Variants in MAD1L1 observed in about 807,000 individuals in gnomAD.
MAD1L1 encodes the protein mitotic spindle assembly checkpoint protein MAD1.
A neutral mutation model predicts 96.9 loss-of-function variants in MAD1L1; 95 were observed. That is an observed-to-expected ratio of 0.98 (90% CI 0.83 to 1.16). MAD1L1 has a LOEUF of 1.16. Among genes scored for constraint, MAD1L1 ranks in the 50% most tolerant of loss-of-function variants. The pLI, the probability that MAD1L1 is intolerant of heterozygous loss-of-function variation, is 0.00. For synonymous variants in MAD1L1, 473 were observed against 396.6 expected, an observed-to-expected ratio of 1.19 and a Z score of -2.29; for missense variants, 1,007 against 954.4, an observed-to-expected ratio of 1.06 and a Z score of -0.73.
chr7:2,044,516 C>T (rs1158359902), intron 12 of MAD1L1, among the ~76,000 whole-genome samples: 2 of 152,170 alleles, frequency 1.3e-5, no homozygotes, highest in African/African-American at 4.8e-5. Flanking sequence ...CAGAGGAGCC[C>T]GCAGCATGTG....
In MAD1L1 at chr7:2,127,173, G is replaced by A. The variant is rs549303958; in HGVS notation, c.1073+21979C>T. On this transcript the variant is annotated intron_variant, in intron 11 of 18. Coordinates refer to ENST00000265854, the MANE Select transcript of MAD1L1 (RefSeq NM_001013836.2). ...CTTGTTCCAGAAGAGAGGTGCTCAG[G>A]GCTGGCATGAGCCCACGGGCCTTTG... is the stretch of plus-strand genomic sequence containing the variant. Among the ~76,000 whole-genome samples the A allele has an allele frequency of 3.3e-4, 51 of 152,358 alleles. 2 individuals carry two copies. The South Asian group carries it at 0.011, about 32-fold the overall frequency.
chr7:2,125,881 G>A (rs532249337), intron 11 of MAD1L1, among the ~76,000 whole-genome samples: 5 of 130,806 alleles, frequency 3.8e-5, no homozygotes, highest in South Asian at 5.1e-4. Flanking sequence ...CAGCTTACGC[G>A]TCTGTTTTAA....
At chr7:2,083,655 C>T (rs545208949) in intron 11 of MAD1L1, among the ~76,000 whole-genome samples, 38 of 152,364 alleles carry the variant, frequency 2.5e-4, no homozygotes, top group African/African-American at 7.0e-4. Flanking sequence ...GCAACGGCAT[C>T]GGACGCTAGG....
intron 11 of MAD1L1, among the ~76,000 whole-genome samples, chr7:2,080,394 C>T (rs920039814): frequency 2.0e-5 from 3 of 152,192 alleles, no homozygotes; most frequent in African/African-American, 4.8e-5. Flanking sequence ...GAGTTCCCAC[C>T]CACCTGAGGC....
intron 11 of MAD1L1, among the ~76,000 whole-genome samples, chr7:2,136,992 G>A (rs1300021488): frequency 2.0e-5 from 3 of 152,330 alleles, no homozygotes; most frequent in Admixed American, 6.5e-5. Flanking sequence ...GCTTGGCAGT[G>A]CCGGGCATGA....
intron 11 of MAD1L1, among the ~76,000 whole-genome samples, chr7:2,070,934 G>A (rs1444542017): frequency 6.6e-6 from 1 of 152,122 alleles, no homozygotes; most frequent in African/African-American, 2.4e-5. Context: ...TTTGGGGAAG[G>A]GAAAGCTTCA....
chr7:2,211,362 G>A (rs745646302), intron 10 of MAD1L1, among the ~76,000 whole-genome samples: 8 of 152,312 alleles, frequency 5.3e-5, no homozygotes, highest in South Asian at 2.1e-4. Flanking sequence ...GCTCAGATGC[G>A]GGAACAGGGC....
At chr7:2,094,604 C>G (rs576802916) in intron 11 of MAD1L1, among the ~76,000 whole-genome samples, 10 of 151,994 alleles carry the variant, frequency 6.6e-5, no homozygotes, top group South Asian at 2.1e-4. Context: ...GCTATCCAGA[C>G]AGGGTGCTCC....
chr7:2,027,387 A>G (rs983240314), intron 12 of MAD1L1, among the ~76,000 whole-genome samples: 1 of 152,194 alleles, frequency 6.6e-6, no homozygotes, highest in Non-Finnish European at 1.5e-5. Context: ...ACAACCTGAA[A>G]ACGACATTCT....
intron 11 of MAD1L1, among the ~76,000 whole-genome samples, chr7:2,079,483 G>A (rs574401777): frequency 1.3e-5 from 2 of 152,352 alleles, no homozygotes; most frequent in African/African-American, 4.8e-5. Context: ...TGGCCTCCCG[G>A]TCACTTCTCC....
intron 16 of MAD1L1, among the ~76,000 whole-genome samples, chr7:1,944,365 T>C (rs541718212): frequency 6.6e-6 from 1 of 152,266 alleles, no homozygotes; most frequent in South Asian, 2.1e-4. Flanking sequence ...ACGTGGAATG[T>C]GCGTCGCATT....
intron 17 of MAD1L1, among the ~76,000 whole-genome samples, chr7:1,917,096 C>T (rs1363395919): frequency 1.3e-5 from 2 of 152,210 alleles, no homozygotes; most frequent in Admixed American, 1.3e-4. Context: ...GTTGGTTACC[C>T]TCCCTGGACC....
intron 18 of MAD1L1, among the ~76,000 whole-genome samples, chr7:1,872,019 C>T (rs1234441997): frequency 6.6e-6 from 1 of 152,170 alleles, no homozygotes; most frequent in Non-Finnish European, 1.5e-5. Flanking sequence ...CTGCTGTGTT[C>T]CAGCATGACT....
chr7:1,904,853 C>T (rs111721186), intron 17 of MAD1L1, among the ~76,000 whole-genome samples: 2,259 of 115,228 alleles, frequency 0.02, 268 homozygotes, highest in Non-Finnish European at 0.028. Context: ...CTATGGAAGA[C>T]GCTCTTGCAG....
intron 10 of MAD1L1, among the ~76,000 whole-genome samples, chr7:2,179,090 T>C (rs73039277): frequency 0.026 from 4,011 of 152,228 alleles, 90 homozygotes; most frequent in South Asian, 0.075. Context: ...AATCAGATTT[T>C]TGAACTCTGA....
intron 12 of MAD1L1, among the ~76,000 whole-genome samples, chr7:2,026,876 T>C (rs897377616): frequency 6.6e-6 from 1 of 152,050 alleles, no homozygotes; most frequent in Non-Finnish European, 1.5e-5. Context: ...TAGAATAACA[T>C]CAAATTAGAC....
At chr7:2,001,255 C>T (rs1226835389) in intron 14 of MAD1L1, among the ~76,000 whole-genome samples, 1 of 152,278 alleles carries the variant, frequency 6.6e-6, no homozygotes, top group Non-Finnish European at 1.5e-5. Flanking sequence ...GCCAGCCTGA[C>T]GCATGGCCCA....
chr7:2,080,132 T>TC, intron 11 of MAD1L1: 1 of 188,708 alleles, frequency 5.3e-6, no homozygotes, highest in Non-Finnish European at 1.1e-5. Context: ...CTGGGGGCTT[T>TC]CTCTGCACTG....
chr7:1,883,273 C>A (rs901462301), intron 18 of MAD1L1, among the ~76,000 whole-genome samples: 6 of 152,216 alleles, frequency 3.9e-5, no homozygotes, highest in African/African-American at 9.7e-5. Context: ...TCACAAATGT[C>A]CACCCCTTCC....
Sources: allele counts gnomAD v4.1 joint callset (sites outside exome capture counted in the v4.1 genomes callset), GRCh38; gene constraint gnomAD v4.1.1; transcripts MANE v1.5; gene names NCBI Gene and HGNC (gene_info 2026-07-23, HGNC 2026-07-21).